The following NRG3 variants were observed in gnomAD, a reference collection of about 807,000 sequenced individuals.
NRG3 encodes the protein pro-neuregulin-3, membrane-bound isoform.
In NRG3, 31 loss-of-function variants were observed where a neutral mutation model predicts 66.9. The ratio of observed to expected loss-of-function variants is 0.46; its 90% confidence interval spans 0.35 to 0.63. The LOEUF (loss-of-function observed/expected upper bound fraction) is 0.63. Among genes scored for constraint, NRG3 ranks in the 20% least tolerant of loss-of-function variants. The pLI is 0.00. For missense variants in NRG3, 910 were observed against 878.9 expected (o/e 1.04, Z -0.45); for synonymous variants, 393 against 359.4 (o/e 1.09, Z -1.06).
intron 2 of NRG3, among the ~76,000 whole-genome samples, chr10:82,430,970 G>A (rs2089766994): frequency 6.6e-6 from 1 of 152,040 alleles, no homozygotes; most frequent in African/African-American, 2.4e-5. Context: ...GTCTTTTCTA[G>A]GTATGCACAC....
intron 1 of NRG3, among the ~76,000 whole-genome samples, chr10:82,349,339 G>C (rs1487721856): frequency 2.0e-5 from 3 of 151,964 alleles, no homozygotes; most frequent in Admixed American, 6.6e-5. Context: ...AGATGTCAGT[G>C]TGCCCCTGCT....
intron 6 of NRG3, among the ~76,000 whole-genome samples, chr10:82,963,776 A>AGGGG (rs1850918735): frequency 6.6e-6 from 1 of 152,230 alleles, no homozygotes; most frequent in African/African-American, 2.4e-5. Flanking sequence ...ACTTGAAAAT[A>AGGGG]AGTGATGAGG....
At chr10:82,543,878 G>C (rs2043718039) in intron 2 of NRG3, among the ~76,000 whole-genome samples, 1 of 152,142 alleles carries the variant, frequency 6.6e-6, no homozygotes, top group South Asian at 2.1e-4. Flanking sequence ...GCTTCAGTCA[G>C]GCAGTAAGAT....
chr10:82,045,984 T>G (rs1188340681), intron 1 of NRG3, among the ~76,000 whole-genome samples: 7 of 150,592 alleles, frequency 4.6e-5, no homozygotes, highest in Non-Finnish European at 7.4e-5. Flanking sequence ...TGTAGTATAG[T>G]TTGAAGTCAG....
At chr10:82,600,552 C>A (rs556990692) in intron 2 of NRG3, among the ~76,000 whole-genome samples, 1 of 152,276 alleles carries the variant, frequency 6.6e-6, no homozygotes, top group Admixed American at 6.5e-5. Flanking sequence ...CGCATTGCAA[C>A]CCCTGCCTCC....
chr10:82,248,638 T>C (rs989954815), intron 1 of NRG3, among the ~76,000 whole-genome samples: 1 of 152,212 alleles, frequency 6.6e-6, no homozygotes, highest in African/African-American at 2.4e-5. Context: ...CTTAAAATAA[T>C]TCCTGGCCCT....
chr10:82,780,927 G>A (rs1448432507), intron 3 of NRG3, among the ~76,000 whole-genome samples: 5 of 152,104 alleles, frequency 3.3e-5, no homozygotes, highest in Non-Finnish European at 5.9e-5. Context: ...AAGTTGTAAA[G>A]GTTGGGGAAC....
chr10:82,476,703 A>G (rs932007384), intron 2 of NRG3, among the ~76,000 whole-genome samples: 1 of 152,174 alleles, frequency 6.6e-6, no homozygotes, highest in Non-Finnish European at 1.5e-5. Context: ...AGGGATGTGT[A>G]TAGAGGGAAA....
intron 3 of NRG3, among the ~76,000 whole-genome samples, chr10:82,846,897 A>G (rs1007358090): frequency 6.6e-6 from 1 of 152,216 alleles, no homozygotes; most frequent in African/African-American, 2.4e-5. Flanking sequence ...GCTTTTATCA[A>G]TTAAGATAAT....
intron 2 of NRG3, among the ~76,000 whole-genome samples, chr10:82,493,256 A>G (rs147271559): frequency 2.0e-5 from 3 of 151,900 alleles, no homozygotes; most frequent in East Asian, 1.9e-4. Context: ...TACACTAGCT[A>G]TTTTTCCTAA....
At chr10:82,174,898 A>C (rs2072910412) in intron 1 of NRG3, among the ~76,000 whole-genome samples, 1 of 152,122 alleles carries the variant, frequency 6.6e-6, no homozygotes, top group Non-Finnish European at 1.5e-5. Flanking sequence ...AGCCTATTTA[A>C]GCCCCATGGA....
At chr10:81,982,735 G>A (rs2060376980) in intron 1 of NRG3, among the ~76,000 whole-genome samples, 1 of 152,084 alleles carries the variant, frequency 6.6e-6, no homozygotes. Context: ...ACACCGGTAA[G>A]TTTGGATTAG....
At chr10:81,932,204 GAGAGAA>G (rs367970082) in intron 1 of NRG3, among the ~76,000 whole-genome samples, 1,573 of 129,912 alleles carry the variant, frequency 0.012, 20 homozygotes, top group African/African-American at 0.043. Flanking sequence ...GAGAGAGATT[GAGAGAA>G]AGAGAGAGAG....
At chr10:82,203,271 G>A (rs1284782717) in intron 1 of NRG3, among the ~76,000 whole-genome samples, 1 of 152,110 alleles carries the variant, frequency 6.6e-6, no homozygotes, top group African/African-American at 2.4e-5. Flanking sequence ...AATACTCATT[G>A]GAAATGAGTA....
chr10:81,951,187 T>C (rs377292082), intron 1 of NRG3, among the ~76,000 whole-genome samples: 12 of 152,278 alleles, frequency 7.9e-5, no homozygotes, highest in South Asian at 4.1e-4. Context: ...ACCGTTCAAA[T>C]TGGCATTGAT....
At chr10:82,487,954 T>A (rs1842818820) in intron 2 of NRG3, among the ~76,000 whole-genome samples, 1 of 152,214 alleles carries the variant, frequency 6.6e-6, no homozygotes. Context: ...CAGACAATTC[T>A]CAAGATTTTC....
At chr10:82,597,303 A>G (rs1720405236) in intron 2 of NRG3, among the ~76,000 whole-genome samples, 1 of 152,224 alleles carries the variant, frequency 6.6e-6, no homozygotes, top group South Asian at 2.1e-4. Flanking sequence ...TTTACAGTAG[A>G]TAGCCATTTC....
chr10:82,943,735 C>T (rs1380599398), intron 4 of NRG3, among the ~76,000 whole-genome samples: 1 of 152,082 alleles, frequency 6.6e-6, no homozygotes, highest in African/African-American at 2.4e-5. Flanking sequence ...CAGACATACC[C>T]CAAAATAATG....
chr10:82,354,014 CTTTTTTTTTTT>C (rs869307444), intron 1 of NRG3, among the ~76,000 whole-genome samples: 1 of 112,628 alleles, frequency 8.9e-6, no homozygotes, highest in Non-Finnish European at 1.7e-5. Flanking sequence ...CACTATAACA[CTTTTTTTTTTT>C]TTTTTTTTTT....
Sources: allele counts gnomAD v4.1 joint callset (sites outside exome capture counted in the v4.1 genomes callset), GRCh38; gene constraint gnomAD v4.1.1; transcripts MANE v1.5; gene names NCBI Gene and HGNC (gene_info 2026-07-23, HGNC 2026-07-21).